The following UQCC1 variants were observed in gnomAD, a reference collection of about 807,000 sequenced individuals.
The protein encoded by UQCC1 is ubiquinol-cytochrome c reductase complex assembly factor 1, also known as bFGF-repressed Zic-binding protein.
UQCC1 carries 38 observed loss-of-function variants against 48.0 expected under a neutral mutation model. The ratio of observed to expected loss-of-function variants is 0.79; its 90% confidence interval spans 0.61 to 1.04. UQCC1 has a LOEUF of 1.04. UQCC1 is among the 50% of genes least tolerant of loss of function. The pLI, the probability that UQCC1 is intolerant of heterozygous loss-of-function variation, is 0.00. For missense variants in UQCC1, 368 were observed against 381.8 expected, an observed-to-expected ratio of 0.96 and a Z score of 0.30; for synonymous variants, 111 against 129.2, an observed-to-expected ratio of 0.86 and a Z score of 0.95.
intron 8 of UQCC1, chr20:35,307,040 T>G: frequency 2.0e-6 from 1 of 511,490 alleles, no homozygotes; most frequent in Non-Finnish European, 3.6e-6. Context: ...GATGCAGAGC[T>G]GGGACTCAGG....
intron 1 of UQCC1, among the ~76,000 whole-genome samples, chr20:35,402,271 G>A (rs1029980509): frequency 1.3e-5 from 2 of 151,826 alleles, no homozygotes; most frequent in African/African-American, 2.4e-5. Context: ...AGTGAAACCC[G>A]TCTGTACTAA....
intron 4 of UQCC1, among the ~76,000 whole-genome samples, chr20:35,378,314 T>G (rs2061826401): frequency 6.6e-6 from 1 of 152,052 alleles, no homozygotes; most frequent in African/African-American, 2.4e-5. Flanking sequence ...CATTAACAGC[T>G]ATGTAAGAGT....
intron 6 of UQCC1, among the ~76,000 whole-genome samples, chr20:35,352,272 T>C (rs1340838329): frequency 6.6e-6 from 1 of 152,154 alleles, no homozygotes; most frequent in Non-Finnish European, 1.5e-5. Flanking sequence ...AATGAATACC[T>C]AGATTGTGGG....
chr20:35,336,977 G>A (rs1216386241), intron 7 of UQCC1, among the ~76,000 whole-genome samples: 3 of 152,186 alleles, frequency 2.0e-5, no homozygotes, highest in African/African-American at 7.2e-5. Context: ...TCTTAGCGAG[G>A]AGAACAGTAA....
intron 2 of UQCC1, among the ~76,000 whole-genome samples, chr20:35,385,595 C>T (rs1483389384): frequency 6.6e-6 from 1 of 152,066 alleles, no homozygotes; most frequent in Admixed American, 6.5e-5. Flanking sequence ...TCCACCTCCC[C>T]GGCTCAAGCA....
intron 5 of UQCC1, among the ~76,000 whole-genome samples, chr20:35,368,397 T>G (rs1568686385): frequency 6.6e-6 from 1 of 152,150 alleles, no homozygotes; most frequent in African/African-American, 2.4e-5. Flanking sequence ...GTAAGAAAAC[T>G]GACTCAGAGA....
intron 4 of UQCC1, among the ~76,000 whole-genome samples, chr20:35,379,900 A>G (rs905317226): frequency 6.6e-6 from 1 of 152,182 alleles, no homozygotes; most frequent in Non-Finnish European, 1.5e-5. Flanking sequence ...AACATTAGGG[A>G]TTTAGTTGAT....
intron 9 of UQCC1, among the ~76,000 whole-genome samples, chr20:35,306,174 G>A (rs1050441234): frequency 2.0e-5 from 3 of 152,160 alleles, no homozygotes; most frequent in African/African-American, 7.2e-5. Context: ...AAACTGAAGT[G>A]GGGGGACTCT....
At chr20:35,338,674 C>T (rs993432542) in intron 7 of UQCC1, among the ~76,000 whole-genome samples, 12 of 150,046 alleles carry the variant, frequency 8.0e-5, no homozygotes, top group Non-Finnish European at 1.6e-4. Flanking sequence ...GCTGAAACCC[C>T]GTCTCTACTA....
Position 35,304,084 on chromosome 20 carries a change from G to C in UQCC1, c.766-15C>G, listed in dbSNP as rs772215671. The C allele has an allele frequency of 5.6e-6, 9 of 1,613,884 alleles. No individual in the cohort carries two copies. In the East Asian group the frequency reaches 1.6e-4, roughly 28 times the overall value. ...AGGTACTGTATCTGCAACCAGGGGA[G>C]GGGGAAGGAGGAAGCGACAGAGGCA... On this transcript the variant is annotated splice_polypyrimidine_tract_variant and intron_variant, in intron 9 of 9. Transcript: ENST00000374385.
At chr20:35,358,750 C>T (rs890993459) in intron 6 of UQCC1, among the ~76,000 whole-genome samples, 6 of 152,024 alleles carry the variant, frequency 3.9e-5, no homozygotes, top group Non-Finnish European at 7.4e-5. Flanking sequence ...AGTACAGACA[C>T]GGTTTCACCA....
chr20:35,360,911 C>T (rs1384078635), intron 6 of UQCC1, among the ~76,000 whole-genome samples: 2 of 152,108 alleles, frequency 1.3e-5, no homozygotes, highest in East Asian at 3.9e-4. Context: ...AGAAAGGAAG[C>T]AAAGTGTTTA....
chr20:35,366,457 C>G, intron 6 of UQCC1, 100 bp downstream of exon 6: 1 of 995,820 alleles, frequency 1.0e-6, no homozygotes, highest in Non-Finnish European at 1.5e-6. Context: ...ACCTGAACAA[C>G]TGCCATTTCA....
intron 9 of UQCC1, 146 bp downstream of exon 9, chr20:35,306,520 C>A (rs2060930126): frequency 1.6e-6 from 1 of 632,832 alleles, no homozygotes; most frequent in African/African-American, 1.8e-5. Context: ...GAAGGCGCTC[C>A]TTCTTCAGCG....
At chr20:35,342,640 G>A (rs540910113) in intron 7 of UQCC1, among the ~76,000 whole-genome samples, 2 of 152,106 alleles carry the variant, frequency 1.3e-5, no homozygotes, top group Non-Finnish European at 2.9e-5. Flanking sequence ...TCAGGAGTGC[G>A]GCAAGGGCCC....
chr20:35,409,509 C>A, intron 1 of UQCC1: 1 of 171,472 alleles, frequency 5.8e-6, no homozygotes, highest in Non-Finnish European at 1.3e-5. Context: ...AATTTTGTTA[C>A]ATGTATTTTA....
intron 8 of UQCC1, among the ~76,000 whole-genome samples, chr20:35,310,752 G>A (rs1253834730): frequency 3.0e-5 from 4 of 135,398 alleles, no homozygotes; most frequent in Admixed American, 2.2e-4. Flanking sequence ...GAGTGCAGTA[G>A]CGTGATCTCA....
chr20:35,329,629 A>G (rs2061234824), intron 7 of UQCC1, among the ~76,000 whole-genome samples: 1 of 152,238 alleles, frequency 6.6e-6, no homozygotes, highest in Non-Finnish European at 1.5e-5. Flanking sequence ...CACCCAGGGC[A>G]GCTGAAAGAA....
chr20:35,303,435 G>A lies in UQCC1; in HGVS notation c.*500C>T, dbSNP rs990049838. The A allele has an allele frequency of 6.2e-6, 1 of 161,154 alleles. No individual in the cohort carries two copies. The highest frequency in any genetic ancestry group is 1.4e-5 in the Non-Finnish European group (1 of 72,314). 10.0% of individuals were successfully genotyped at this position (161,154 alleles called of 1,614,324 possible). A position where few individuals can be genotyped will look rare whatever the true frequency, so the allele number is the denominator to read the frequency against. On this transcript the variant is annotated 3_prime_UTR_variant, in exon 10 of 10. Coordinates refer to ENST00000374385, the MANE Select transcript of UQCC1 (RefSeq NM_018244.5). ...TCTCAGGCAAGTTTCTAAGTCCCTG[G>A]AATAAAGAAGGGCCATGGCAGAGAG...
Sources: allele counts gnomAD v4.1 joint callset (sites outside exome capture counted in the v4.1 genomes callset), GRCh38; gene constraint gnomAD v4.1.1; transcripts MANE v1.5; gene names NCBI Gene and HGNC (gene_info 2026-07-23, HGNC 2026-07-21).